The following CFAP299 variants were observed in gnomAD, a reference collection of about 807,000 sequenced individuals.
CFAP299 encodes cilia and flagella associated protein 299.
CFAP299 carries 21 observed loss-of-function variants against 27.0 expected under a neutral mutation model. That is an observed-to-expected ratio of 0.78 (90% confidence interval 0.55 to 1.12). The LOEUF (loss-of-function observed/expected upper bound fraction) is 1.12, where lower values mean the gene tolerates loss of function less well. Ranked by LOEUF, CFAP299 falls within the 50% of genes most tolerant of loss-of-function variation. CFAP299 has a pLI of 0.00. For missense variants in CFAP299, 310 were observed against 276.6 expected (o/e 1.12, Z -0.86); for synonymous variants, 104 against 98.1 (o/e 1.06, Z -0.36).
At chr4:80,499,704 C>T (rs1383522401) in intron 2 of CFAP299, among the ~76,000 whole-genome samples, 3 of 152,006 alleles carry the variant, frequency 2.0e-5, no homozygotes, top group South Asian at 2.1e-4. Flanking sequence ...TGGGTGGGTG[C>T]GTGCACATGG....
chr4:80,721,308 A>G (rs929832045), intron 3 of CFAP299, among the ~76,000 whole-genome samples: 12 of 152,216 alleles, frequency 7.9e-5, no homozygotes, highest in African/African-American at 2.7e-4. Context: ...TGTCATAACA[A>G]AATACTACAG....
intron 3 of CFAP299, among the ~76,000 whole-genome samples, chr4:80,687,559 T>A (rs968304866): frequency 3.3e-5 from 5 of 152,158 alleles, no homozygotes; most frequent in African/African-American, 1.2e-4. Flanking sequence ...TGAAAAAGCA[T>A]GTACATGCTT....
intron 4 of CFAP299, among the ~76,000 whole-genome samples, chr4:80,879,061 A>G (rs1265062047): frequency 6.6e-6 from 1 of 152,164 alleles, no homozygotes; most frequent in African/African-American, 2.4e-5. Context: ...AATAAAAGAA[A>G]TAAGGATGCA....
At chr4:80,934,931 T>A (rs1736814091) in intron 4 of CFAP299, among the ~76,000 whole-genome samples, 2 of 152,178 alleles carry the variant, frequency 1.3e-5, no homozygotes, top group East Asian at 3.9e-4. Context: ...TGAGTTTAGC[T>A]TTTTGTTTTT....
intron 3 of CFAP299, among the ~76,000 whole-genome samples, chr4:80,683,789 A>G (rs1283344844): frequency 6.6e-6 from 1 of 152,354 alleles, no homozygotes; most frequent in African/African-American, 2.4e-5. Flanking sequence ...CGTTTATGAA[A>G]TATTTATCAA....
chr4:80,748,504 T>G (rs1362524791), intron 3 of CFAP299, among the ~76,000 whole-genome samples: 1 of 152,146 alleles, frequency 6.6e-6, no homozygotes, highest in Non-Finnish European at 1.5e-5. Flanking sequence ...TTTTCCCTAA[T>G]AGATTGCAAA....
intron 2 of CFAP299, among the ~76,000 whole-genome samples, chr4:80,363,826 C>T (rs529974160): frequency 5.3e-5 from 8 of 152,124 alleles, no homozygotes; most frequent in Admixed American, 3.9e-4. Context: ...TGGTGGCTCA[C>T]GCCTGTAATC....
chr4:80,504,413 T>G (rs1292056955), intron 2 of CFAP299, among the ~76,000 whole-genome samples: 2 of 145,278 alleles, frequency 1.4e-5, no homozygotes, highest in Non-Finnish European at 3.0e-5. Flanking sequence ...TTTTAACTTC[T>G]GTACTTTACT....
At chr4:80,656,739 C>T (rs1740578142) in intron 3 of CFAP299, among the ~76,000 whole-genome samples, 1 of 152,000 alleles carries the variant, frequency 6.6e-6, no homozygotes, top group Admixed American at 6.6e-5. Flanking sequence ...GGGTGTATAC[C>T]CAATAATGGA....
intron 3 of CFAP299, among the ~76,000 whole-genome samples, chr4:80,664,060 A>G (rs1426965342): frequency 5.3e-5 from 8 of 152,062 alleles, no homozygotes; most frequent in Non-Finnish European, 1.2e-4. Flanking sequence ...ATAGATTGCA[A>G]AATTTTTCTC....
chr4:80,373,703 C>A (rs1724264937), intron 2 of CFAP299, among the ~76,000 whole-genome samples: 1 of 152,150 alleles, frequency 6.6e-6, no homozygotes, highest in Non-Finnish European at 1.5e-5. Context: ...ATGATAATTA[C>A]AAGTCCCTGG....
intron 2 of CFAP299, among the ~76,000 whole-genome samples, chr4:80,576,197 A>AT (rs1553935644): frequency 2.1e-3 from 68 of 32,458 alleles, no homozygotes; most frequent in Admixed American, 4.6e-3. Flanking sequence ...TAAAAAAAAA[A>AT]ATATATATAT....
intron 3 of CFAP299, among the ~76,000 whole-genome samples, chr4:80,866,059 T>TTTTTTATATATATATA (rs886156357): frequency 3.4e-5 from 2 of 58,382 alleles, no homozygotes; most frequent in East Asian, 1.1e-3. Flanking sequence ...ACTTAAAGTA[T>TTTTTTATATATATATA]TATATATATA....
At chr4:80,882,769 C>A (rs763160329) in intron 4 of CFAP299, among the ~76,000 whole-genome samples, 6 of 151,662 alleles carry the variant, frequency 4.0e-5, no homozygotes, top group African/African-American at 7.3e-5. Context: ...ATAATATATT[C>A]AAAATATTAA....
chr4:80,503,671 C>T (rs1053579717), intron 2 of CFAP299, among the ~76,000 whole-genome samples: 1 of 152,146 alleles, frequency 6.6e-6, no homozygotes, highest in Non-Finnish European at 1.5e-5. Context: ...ATTAAGCAGT[C>T]AGTTGTATTA....
chr4:80,812,634 T>C (rs1306836825), intron 3 of CFAP299, among the ~76,000 whole-genome samples: 2 of 152,152 alleles, frequency 1.3e-5, no homozygotes, highest in Non-Finnish European at 2.9e-5. Flanking sequence ...TGCAGTCTAG[T>C]GCAGACAACC....
intron 3 of CFAP299, among the ~76,000 whole-genome samples, chr4:80,785,396 C>T (rs181120943): frequency 7.7e-4 from 117 of 152,200 alleles, no homozygotes; most frequent in African/African-American, 2.8e-3. Context: ...GTTCTCTTAA[C>T]CATCAAGTCT....
chr4:80,633,881 C>T (rs992168548), intron 3 of CFAP299, among the ~76,000 whole-genome samples: 2 of 151,924 alleles, frequency 1.3e-5, no homozygotes, highest in African/African-American at 4.8e-5. Context: ...TTGATATTTT[C>T]CCTCTTTAAG....
intron 4 of CFAP299, among the ~76,000 whole-genome samples, chr4:80,878,079 A>G (rs979378591): frequency 6.6e-6 from 1 of 152,024 alleles, no homozygotes; most frequent in Non-Finnish European, 1.5e-5. Context: ...TCATATTTAA[A>G]TTTTCTTAAG....
Sources: allele counts gnomAD v4.1 joint callset (sites outside exome capture counted in the v4.1 genomes callset), GRCh38; gene constraint gnomAD v4.1.1; transcripts MANE v1.5; gene names NCBI Gene and HGNC (gene_info 2026-07-23, HGNC 2026-07-21).